ABCC6: variants seen among roughly 807,000 people sequenced by gnomAD.
The protein encoded by ABCC6 is ATP binding cassette subfamily C member 6, also known as ATP-binding cassette sub-family C member 6.
In ABCC6, 126 loss-of-function variants were observed where a neutral mutation model predicts 169.5. The observed-to-expected ratio is 0.74, with a 90% confidence interval of 0.64 to 0.86. The LOEUF (loss-of-function observed/expected upper bound fraction) is 0.86. Ranked by LOEUF, ABCC6 falls within the 40% of genes least tolerant of loss-of-function variation. The probability of loss-of-function intolerance (pLI) is 0.00; values close to 1 mark genes in which losing one functional copy is unlikely to be tolerated. For synonymous variants in ABCC6, 752 were observed against 814.7 expected (o/e 0.92, Z 1.31); for missense variants, 1,733 against 1,927.2 (o/e 0.90, Z 1.89).
intron 17 of ABCC6, among the ~76,000 whole-genome samples, chr16:16,179,571 A>G (rs983525403): frequency 1.3e-5 from 2 of 151,850 alleles, no homozygotes; most frequent in Admixed American, 1.3e-4. Flanking sequence ...GTGCACTTCT[A>G]TTATTATTAT....
At chr16:16,151,263 T>C (rs1178582589) in intron 29 of ABCC6, among the ~76,000 whole-genome samples, 1 of 152,162 alleles carries the variant, frequency 6.6e-6, no homozygotes, top group Non-Finnish European at 1.5e-5. Context: ...GGTTTCACCA[T>C]GTTGGTCCGA....
chr16:16,197,973 AG>A, intron 10 of ABCC6, 47 bp downstream of exon 10: 2 of 1,426,080 alleles, frequency 1.4e-6, no homozygotes, highest in Non-Finnish European at 1.8e-6. Flanking sequence ...GGGGAGAAGG[AG>A]GGGGTGGGGG....
intron 10 of ABCC6, among the ~76,000 whole-genome samples, chr16:16,193,644 G>T (rs1212973688): frequency 6.6e-6 from 1 of 152,184 alleles, no homozygotes; most frequent in Non-Finnish European, 1.5e-5. Flanking sequence ...AACCCAGGAG[G>T]CGGAGCTTAC....
intron 11 of ABCC6, among the ~76,000 whole-genome samples, chr16:16,192,392 C>A (rs371901095): frequency 6.6e-6 from 1 of 151,938 alleles, no homozygotes; most frequent in Non-Finnish European, 1.5e-5. Flanking sequence ...AGGGGTACAA[C>A]GTATTTGGTT....
At chr16:16,150,518 C>T (rs544706966) in intron 30 of ABCC6, 60 bp downstream of exon 30, 196 of 1,573,678 alleles carry the variant, frequency 1.2e-4, no homozygotes, top group South Asian at 4.6e-4. Context: ...GGACTGCCTC[C>T]GCCTCCTTCC....
chr16:16,184,836 C>T (rs1044636706), intron 15 of ABCC6, 123 bp downstream of exon 15: 2 of 1,109,962 alleles, frequency 1.8e-6, no homozygotes, highest in Non-Finnish European at 2.8e-6. Context: ...CCCAGCCCAG[C>T]CAAACCCACC....
chr16:16,182,493 C>T lies in ABCC6; in HGVS notation c.2166G>A (p.Leu722=), dbSNP rs201193229. 1.4e-5 allele frequency: 22 copies of T among 1,614,208 alleles called. No individual in the cohort carries two copies. The East Asian group carries it at 3.6e-4, about 26-fold the overall frequency. ...CFGQELDPPW[L]ERVLEACALQ... is the part of the protein sequence containing the mutation. ...GGGCACAGGCTTCTAGTACTCTCTC[C>T]AGCCAGGGTGGGTCCAGCTCCTGCC... The change falls in exon 17 of 31, where the codon CTG becomes CTA. Residue 722 remains leucine (L), a synonymous_variant. Transcript: ENST00000205557.
rs539765825 is a variant in ABCC6 at position 16,149,779 on chromosome 16, C to T, written c.*354G>A. The stretch of plus-strand genomic sequence containing the variant: ...TTTGTAAAAAGTACACACAGCATGG[C>T]AGTTCCCAGCCTCAGAGATTCTGAT... On this transcript the variant is annotated 3_prime_UTR_variant, in exon 31 of 31. Coordinates refer to ENST00000205557, the MANE Select transcript of ABCC6 (RefSeq NM_001171.6). 5 of 437,174 alleles carry T rather than the reference C, an allele frequency of 1.1e-5. No individual in the cohort carries two copies. The East Asian group carries it at 1.9e-4, about 17-fold the overall frequency. The allele number at this position is 437,174 out of a possible 1,614,324, so 27.1% of individuals were successfully genotyped here. A position where few individuals can be genotyped will look rare whatever the true frequency, so the allele number is the denominator to read the frequency against.
At chr16:16,184,072 G>A (rs1026351936) in intron 15 of ABCC6, 12 of 171,822 alleles carry the variant, frequency 7.0e-5, no homozygotes, top group Admixed American at 1.2e-4. Context: ...GGTAGCATGC[G>A]CCTGTAATCC....
intron 26 of ABCC6, 122 bp from the exon 27 acceptor site, chr16:16,157,931 A>G (rs1435504001): frequency 8.9e-7 from 1 of 1,127,028 alleles, no homozygotes; most frequent in African/African-American, 1.6e-5. Context: ...GCTGTTTTAC[A>G]GGGTTGTTAT....
At chr16:16,183,950 T>C (rs1404081181) in intron 15 of ABCC6, among the ~76,000 whole-genome samples, 1 of 151,982 alleles carries the variant, frequency 6.6e-6, no homozygotes, top group Non-Finnish European at 1.5e-5. Flanking sequence ...CCTGTAATCC[T>C]AGTCCTTTGG....
intron 27 of ABCC6, among the ~76,000 whole-genome samples, chr16:16,156,579 T>G (rs576579240): frequency 6.6e-6 from 1 of 152,044 alleles, no homozygotes; most frequent in Non-Finnish European, 1.5e-5. Context: ...AATTCACACT[T>G]TACCCCAAGG....
chr16:16,178,537 A>G (rs1219728761), intron 18 of ABCC6, among the ~76,000 whole-genome samples: 1 of 152,112 alleles, frequency 6.6e-6, no homozygotes, highest in Non-Finnish European at 1.5e-5. Flanking sequence ...CAAGGAGTAC[A>G]TCTGACCCTG....
rs2048257019 is a variant in ABCC6 at position 16,202,109 on chromosome 16, C to T, written c.1068G>A (p.Met356Ile). Residue 356 changes from methionine (M) to isoleucine (I), a missense_variant, in exon 9 of 31, where the codon ATG becomes ATA. By Grantham distance (10) the Met-to-Ile change is conservative. This residue lies in a region of ABCC6 where 1,601 missense variants were observed against 1,635.5 expected (regional missense o/e 0.98). Transcript: ENST00000205557. ...GCGTTTGCAGGCAGGCTGAGAGGAA[C>T]ATCAGCACGGCGAGGAGGTAGCCCT... ...AWKGYLLAVL[M>I]FLSACLQTLF... 1.9e-6 allele frequency: 3 copies of T among 1,613,960 alleles called. No individual in the cohort carries two copies. Among genetic ancestry groups the T allele is most frequent in the African/African-American group, 1.3e-5 (1 of 75,010 alleles).
At chr16:16,183,823 C>A (rs1357908547) in intron 15 of ABCC6, among the ~76,000 whole-genome samples, 1 of 152,142 alleles carries the variant, frequency 6.6e-6, no homozygotes, top group African/African-American at 2.4e-5. Context: ...CCCAAAATAT[C>A]AACCGTGCTG....
chr16:16,172,715 T>C (rs529081952), intron 21 of ABCC6, among the ~76,000 whole-genome samples: 1 of 152,088 alleles, frequency 6.6e-6, no homozygotes, highest in Admixed American at 6.5e-5. Flanking sequence ...AGGCTAGATA[T>C]GAAAACACAA....
chr16:16,156,476 C>T (rs2046556531), intron 27 of ABCC6, among the ~76,000 whole-genome samples: 1 of 152,172 alleles, frequency 6.6e-6, no homozygotes, highest in African/African-American at 2.4e-5. Context: ...GGCAGCTGCT[C>T]CACAATGTTG....
rs148663124 is a variant in ABCC6 at position 16,192,373 on chromosome 16, G to C, written c.1431+457C>G. Among the ~76,000 whole-genome samples the C allele has an allele frequency of 6.0e-3, 910 of 152,244 alleles. 11 individuals carry two copies. Among genetic ancestry groups the C allele is most frequent in the African/African-American group, 0.021 (883 of 41,548 alleles). ...AGGAAAATGGGGCCGCTGTGGGTCTGAGTAGAGGAGGGGTACAACGTATTT... is the reference window on the plus strand; with the variant it reads ...AGGAAAATGGGGCCGCTGTGGGTCTCAGTAGAGGAGGGGTACAACGTATTT... On this transcript the variant is annotated intron_variant, in intron 11 of 30. Transcript: ENST00000205557.
At position 16,191,013 on chromosome 16, in the gene ABCC6, G is replaced by A. The variant is rs377649216; in HGVS notation, c.1432-646C>T. 5.8e-4 allele frequency among the ~76,000 whole-genome samples: 88 copies of A among 151,852 alleles called. No individual in the cohort carries two copies. In the East Asian group the frequency reaches 9.7e-3, roughly 17 times the overall value. On this transcript the variant is annotated intron_variant, in intron 11 of 30. Transcript: ENST00000205557. The stretch of plus-strand genomic sequence containing the variant: ...GGACACTCAGTGTGACCAGAGGAGC[G>A]TGTGGGCAGGGTCACTTGGCACTTT...
Sources: gnomAD v4.1 joint callset for allele counts (sites outside exome capture counted in the v4.1 genomes callset) on GRCh38, gnomAD v4.1.1 for gene constraint, gnomAD v4.1.1 regional missense constraint, MANE v1.5 for transcripts, NCBI Gene and HGNC (gene_info 2026-07-23, HGNC 2026-07-21) for gene names.